ENTPD1: variants seen among roughly 807,000 people sequenced by gnomAD.
The protein encoded by ENTPD1 is ATP diphosphohydrolase.
ENTPD1 carries 33 observed loss-of-function variants against 57.0 expected under a neutral mutation model. The ratio of observed to expected loss-of-function variants is 0.58; its 90% CI spans 0.44 to 0.77. The LOEUF (loss-of-function observed/expected upper bound fraction) is 0.77. Ranked by LOEUF, ENTPD1 falls within the 30% of genes least tolerant of loss-of-function variation. The pLI is 0.00. For synonymous variants in ENTPD1, 202 were observed against 218.8 expected (o/e 0.92, Z 0.68); for missense variants, 501 against 603.4 (o/e 0.83, Z 1.78).
intron 1 of ENTPD1, among the ~76,000 whole-genome samples, chr10:95,742,452 G>A (rs1429699277): frequency 6.6e-6 from 1 of 151,380 alleles, no homozygotes; most frequent in African/African-American, 2.4e-5. Flanking sequence ...GCTCTCCAGT[G>A]ACATGTATTT....
At chr10:95,843,842 G>T in intron 4 of ENTPD1, among the ~76,000 whole-genome samples, 1 of 152,214 alleles carries the variant, frequency 6.6e-6, no homozygotes, top group Non-Finnish European at 1.5e-5. Flanking sequence ...GAGACTCCCA[G>T]TGTTGGGTAG....
At position 95,740,790 on chromosome 10, in the gene ENTPD1, G is replaced by A. The variant is rs149627300; in HGVS notation, c.37+28797G>A. Reference sequence around the variant, plus strand: ...TCACCTTGCGCTTTTACATTACGGAGGTGGCTTACTTTCTTAAACCTCATG... The same window carrying A: ...TCACCTTGCGCTTTTACATTACGGAAGTGGCTTACTTTCTTAAACCTCATG... On this transcript the variant is annotated intron_variant, in intron 1 of 9. Coordinates refer to the ENTPD1 transcript ENST00000453258. 4.2e-4 allele frequency among the ~76,000 whole-genome samples: 64 copies of A among 152,314 alleles called. 1 individual carries two copies. The East Asian group carries it at 0.012, about 28-fold the overall frequency.
intron 1 of ENTPD1, among the ~76,000 whole-genome samples, chr10:95,782,626 G>A (rs572593453): frequency 2.0e-5 from 3 of 152,262 alleles, no homozygotes; most frequent in South Asian, 2.1e-4. Context: ...AAGTCCTGGC[G>A]CCTAGGCTAG....
Position 95,876,418 on chromosome 10 carries a change from T to A in ENTPD1, c.*10035T>A, listed in dbSNP as rs1312771260. 8.1e-7 allele frequency: 1 copy of A among 1,231,270 alleles called. No individual in the cohort carries two copies. Among genetic ancestry groups the A allele is most frequent in the African/African-American group, 1.6e-5 (1 of 64,380 alleles). 76.3% of individuals were successfully genotyped at this position (1,231,270 alleles called of 1,614,324 possible). On this transcript the variant is annotated 3_prime_UTR_variant, in exon 10 of 10. Coordinates refer to ENST00000371205, the MANE Select transcript of ENTPD1 (RefSeq NM_001776.6). ...ATGGTAAATCATAATGTTCCCTTTCTCCTCGGTTCTGCAATCTATAGGCAT... is the reference window on the plus strand; with the variant it reads ...ATGGTAAATCATAATGTTCCCTTTCACCTCGGTTCTGCAATCTATAGGCAT...
At chr10:95,801,093 A>G (rs529025427) in intron 1 of ENTPD1, among the ~76,000 whole-genome samples, 3 of 152,324 alleles carry the variant, frequency 2.0e-5, no homozygotes, top group Admixed American at 2.0e-4. Flanking sequence ...GAACTGATAA[A>G]TGTCCATGAA....
intron 1 of ENTPD1, among the ~76,000 whole-genome samples, chr10:95,717,319 G>A (rs1222879108): frequency 6.8e-6 from 1 of 146,358 alleles, no homozygotes; most frequent in Non-Finnish European, 1.5e-5. Context: ...TGTTCATTGA[G>A]GTTCTTGGAT....
chr10:95,867,267 A>G lies in ENTPD1; in HGVS notation c.*884A>G, dbSNP rs1415357525. On this transcript the variant is annotated 3_prime_UTR_variant, in exon 10 of 10. Transcript: ENST00000371205. ...AACATTTAATTCATATTAAATACGT[A>G]CAAATCAGTGACATTTAGTACATTC... is the stretch of plus-strand genomic sequence containing the variant. 1 of 976,392 alleles carries G rather than the reference A, an allele frequency of 1.0e-6. No individual in the cohort carries two copies. The highest frequency in any genetic ancestry group is 1.8e-5 in the African/African-American group (1 of 57,070). The allele number at this position is 976,392 out of a possible 1,614,324, so 60.5% of individuals were successfully genotyped here. A position where few individuals can be genotyped will look rare whatever the true frequency, so the allele number is the denominator to read the frequency against.
intron 1 of ENTPD1, among the ~76,000 whole-genome samples, chr10:95,785,846 G>A (rs1405770633): frequency 6.6e-6 from 1 of 152,164 alleles, no homozygotes; most frequent in African/African-American, 2.4e-5. Context: ...GATATCTATG[G>A]TGTTGTGATA....
At chr10:95,840,240 G>T (rs1342791) in intron 3 of ENTPD1, among the ~76,000 whole-genome samples, 1 of 152,026 alleles carries the variant, frequency 6.6e-6, no homozygotes, top group Admixed American at 6.5e-5. Flanking sequence ...AGTTCTGCCC[G>T]ACTTCAAGTC....
the ENTPD1 span, among the ~76,000 whole-genome samples, chr10:95,694,895 A>ATTT: frequency 0.12 from 11,616 of 98,564 alleles, 1,128 homozygotes; most frequent in African/African-American, 0.17. Flanking sequence ...TGAGGAGCTG[A>ATTT]TTTTTTTTTT....
intron 5 of ENTPD1, 161 bp downstream of exon 5, chr10:95,844,796 T>A: frequency 1.1e-6 from 1 of 895,364 alleles, no homozygotes; most frequent in Non-Finnish European, 1.8e-6. Context: ...TTTGTAAGGG[T>A]CACCAGAGGT....
intron 1 of ENTPD1, among the ~76,000 whole-genome samples, chr10:95,808,313 G>A (rs1056568809): frequency 6.6e-6 from 1 of 152,124 alleles, no homozygotes; most frequent in East Asian, 1.9e-4. Context: ...TCCTGGATTT[G>A]GTTTGCCAGT....
chr10:95,837,977 C>T (rs1004552230), intron 2 of ENTPD1, among the ~76,000 whole-genome samples: 7 of 151,532 alleles, frequency 4.6e-5, no homozygotes, highest in Non-Finnish European at 8.8e-5. Context: ...CACACACACA[C>T]ACACACCACA....
the ENTPD1 span, among the ~76,000 whole-genome samples, chr10:95,700,316 T>A: frequency 2.0e-5 from 3 of 152,062 alleles, no homozygotes; most frequent in South Asian, 6.2e-4. Flanking sequence ...GAGGATTAAA[T>A]CTACAAGTCC....
rs1362125655 is a variant in ENTPD1, at chr10:95,871,823, T to C, written c.*5440T>C. 5 of 985,320 alleles carry C rather than the reference T, an allele frequency of 5.1e-6. No homozygotes were observed. In the African/African-American group the frequency reaches 7.0e-5, roughly 14 times the overall value. The allele number at this position is 985,320 out of a possible 1,614,324, so 61.0% of individuals were successfully genotyped here. A position where few individuals can be genotyped will look rare whatever the true frequency, so the allele number is the denominator to read the frequency against. ...AGCAAAGTTCATCAGAGAACATGTA[T>C]TAGTCAATGGTAAGTAAGATACTCT... On this transcript the variant is annotated 3_prime_UTR_variant, in exon 10 of 10. Coordinates refer to ENST00000371205, the MANE Select transcript of ENTPD1 (RefSeq NM_001776.6).
intron 1 of ENTPD1, among the ~76,000 whole-genome samples, chr10:95,812,517 T>C (rs1279873102): frequency 2.6e-5 from 4 of 152,254 alleles, no homozygotes; most frequent in African/African-American, 4.8e-5. Flanking sequence ...TTTTGAGGTT[T>C]TGGCAATTAT....
chr10:95,833,690 C>T (rs1160112083), intron 2 of ENTPD1: 1 of 152,558 alleles, frequency 6.6e-6, no homozygotes, highest in Non-Finnish European at 1.5e-5. Flanking sequence ...ATATAAAGAA[C>T]AGAAATTACT....
chr10:95,810,370 A>C (rs1290906470), intron 1 of ENTPD1, among the ~76,000 whole-genome samples: 1 of 120,814 alleles, frequency 8.3e-6, no homozygotes. Flanking sequence ...CCTCCCAGAC[A>C]GGGCGGCCGG....
upstream of ENTPD1, among the ~76,000 whole-genome samples, chr10:95,751,603 T>C (rs1011754313): frequency 2.0e-5 from 3 of 151,740 alleles, no homozygotes; most frequent in Non-Finnish European, 4.4e-5. Context: ...CAATCCCAGC[T>C]ACTCAGGAGG....
Sources: gnomAD v4.1 joint callset for allele counts (sites outside exome capture counted in the v4.1 genomes callset) on GRCh38, gnomAD v4.1.1 for gene constraint, MANE v1.5 for transcripts, NCBI Gene and HGNC (gene_info 2026-07-23, HGNC 2026-07-21) for gene names.